Variants in BCL2L1 observed in about 807,000 individuals in gnomAD.
BCL2L1 encodes the protein BCL2 like 1.
In BCL2L1, 1 loss-of-function variant was observed where a neutral mutation model predicts 18.7. The ratio of observed to expected loss-of-function variants is 0.05; its 90% CI spans 0.02 to 0.25. BCL2L1 has a LOEUF of 0.25. Among genes scored for constraint, BCL2L1 ranks in the 10% least tolerant of loss-of-function variants. BCL2L1 has a pLI of 1.00. For synonymous variants in BCL2L1, 103 were observed against 122.7 expected (o/e 0.84, Z 1.06); for missense variants, 207 against 304.9 (o/e 0.68, Z 2.39).
chr20:31,710,961 AAT>A (rs2061444733), intron 2 of BCL2L1, among the ~76,000 whole-genome samples: 1 of 152,188 alleles, frequency 6.6e-6, no homozygotes, highest in Non-Finnish European at 1.5e-5. Flanking sequence ...TGTAAGAAGC[AAT>A]GACGCTTATA....
rs1187252281 is a variant in BCL2L1, at chr20:31,722,064, T to C, written c.155A>G (p.Asn52Ser). The change falls in exon 2 of 3, where the codon AAT becomes AGT. Residue 52 changes from asparagine to serine, a missense_variant. Transcript: ENST00000307677. ...ESEMETPSAI[N>S]GNPSWHLADS... ...TGCCAGGTGCCAGGATGGGTTGCCA[T>C]TGATGGCACTGGGGGTCTCCATCTC... The C allele has an allele frequency of 5.6e-6, 9 of 1,601,664 alleles. No individual in the cohort carries two copies. Among genetic ancestry groups the C allele is most frequent in the East Asian group, 2.2e-5 (1 of 44,810 alleles).
chr20:31,722,457 T>A, intron 1 of BCL2L1, 109 bp from the exon 2 acceptor site: 1 of 375,208 alleles, frequency 2.7e-6, no homozygotes, highest in Non-Finnish European at 4.7e-6. Context: ...GGTCTGGGTC[T>A]AGGTTCCAAG....
At chr20:31,698,862 G>C (rs559922843) in intron 2 of BCL2L1, among the ~76,000 whole-genome samples, 21 of 152,260 alleles carry the variant, frequency 1.4e-4, no homozygotes, top group African/African-American at 5.1e-4. Context: ...CAATTAGTGA[G>C]TCAAGGGGAG....
At chr20:31,673,700 GC>G (rs1010935425) in intron 2 of BCL2L1, among the ~76,000 whole-genome samples, 1 of 152,122 alleles carries the variant, frequency 6.6e-6, no homozygotes, top group Non-Finnish European at 1.5e-5. Flanking sequence ...TATTATGACA[GC>G]TGACCATTAC....
chr20:31,710,504 C>G (rs1165248423), intron 2 of BCL2L1, among the ~76,000 whole-genome samples: 1 of 152,232 alleles, frequency 6.6e-6, no homozygotes, highest in Non-Finnish European at 1.5e-5. Context: ...TCAGTGACCT[C>G]TCTCCTTCCT....
At chr20:31,686,602 A>G (rs1174551690) in intron 2 of BCL2L1, among the ~76,000 whole-genome samples, 5 of 152,110 alleles carry the variant, frequency 3.3e-5, no homozygotes, top group African/African-American at 1.2e-4. Flanking sequence ...TTTGTGTCCT[A>G]CTCAGGCTTT....
chr20:31,703,435 TC>T (rs2061315962), intron 2 of BCL2L1, among the ~76,000 whole-genome samples: 1 of 151,434 alleles, frequency 6.6e-6, no homozygotes, highest in African/African-American at 2.4e-5. Flanking sequence ...TGCTTTGGCC[TC>T]CCAAAATGCT....
At position 31,682,079 on chromosome 20, in the gene BCL2L1, C is replaced by T. The variant is rs1167891223; in HGVS notation, c.565-15993G>A. On this transcript the variant is annotated intron_variant, in intron 2 of 2. Coordinates refer to ENST00000307677, the MANE Select transcript of BCL2L1 (RefSeq NM_138578.3). Reference sequence around the variant, plus strand: ...TTGCTTTATATTAGGAGAGAAGAAGCATCAGAGCTGCCGTTGTCCAGGGCC... The same window carrying T: ...TTGCTTTATATTAGGAGAGAAGAAGTATCAGAGCTGCCGTTGTCCAGGGCC... Among the ~76,000 whole-genome samples the T allele has an allele frequency of 3.3e-5, 5 of 152,232 alleles. No homozygotes were observed. The South Asian group carries it at 1.0e-3, about 31-fold the overall frequency.
intron 2 of BCL2L1, among the ~76,000 whole-genome samples, chr20:31,705,162 T>A (rs776726893): frequency 8.5e-5 from 13 of 152,234 alleles, no homozygotes; most frequent in African/African-American, 1.2e-4. Flanking sequence ...AACAACTTTC[T>A]TAACTTCTCT....
At chr20:31,666,504 T>C (rs2060590801) in intron 2 of BCL2L1, among the ~76,000 whole-genome samples, 1 of 151,980 alleles carries the variant, frequency 6.6e-6, no homozygotes, top group Admixed American at 6.6e-5. Flanking sequence ...GCAAGGAGCC[T>C]AGAGTTGAGT....
intron 2 of BCL2L1, among the ~76,000 whole-genome samples, chr20:31,712,485 A>G (rs2061469569): frequency 6.6e-6 from 1 of 152,226 alleles, no homozygotes; most frequent in Non-Finnish European, 1.5e-5. Flanking sequence ...TACTATTAAT[A>G]GTAATGTTAA....
chr20:31,684,455 C>T (rs971039787), intron 2 of BCL2L1, among the ~76,000 whole-genome samples: 2 of 152,178 alleles, frequency 1.3e-5, no homozygotes, highest in African/African-American at 2.4e-5. Flanking sequence ...AATCCGTAAA[C>T]ACCAGACAGG....
intron 2 of BCL2L1, chr20:31,713,298 A>G (rs907972566): frequency 1.0e-5 from 10 of 985,394 alleles, no homozygotes; most frequent in Non-Finnish European, 1.2e-5. Flanking sequence ...GGATGATCAC[A>G]GCTGGAGGCA....
At chr20:31,723,718 G>A (rs896989385), upstream of BCL2L1, 142 of 985,400 alleles carry the variant, frequency 1.4e-4, no homozygotes, top group Non-Finnish European at 1.7e-4. Context: ...CACGCACAGG[G>A]GAGGCGGCGC....
intron 2 of BCL2L1, among the ~76,000 whole-genome samples, chr20:31,721,119 G>A (rs2061620378): frequency 6.6e-6 from 1 of 152,210 alleles, no homozygotes; most frequent in Non-Finnish European, 1.5e-5. Flanking sequence ...CCTGCCTATG[G>A]CCATGCCCTA....
At chr20:31,679,332 G>A (rs936374683) in intron 2 of BCL2L1, among the ~76,000 whole-genome samples, 5 of 152,154 alleles carry the variant, frequency 3.3e-5, no homozygotes, top group Non-Finnish European at 2.9e-5. Flanking sequence ...AAATTTCAGA[G>A]CGTCACAGAG....
chr20:31,707,558 C>A (rs1032919894), intron 2 of BCL2L1, among the ~76,000 whole-genome samples: 1 of 152,076 alleles, frequency 6.6e-6, no homozygotes, highest in Non-Finnish European at 1.5e-5. Flanking sequence ...GCGGACAGAT[C>A]ACCTGAGGTC....
chr20:31,670,045 C>T (rs1218940432), intron 2 of BCL2L1, among the ~76,000 whole-genome samples: 5 of 152,306 alleles, frequency 3.3e-5, no homozygotes, highest in African/African-American at 1.2e-4. Context: ...TATGTCAGGA[C>T]ACTTCCCTGA....
At chr20:31,720,108 C>T (rs1460915983) in intron 2 of BCL2L1, 34 of 985,316 alleles carry the variant, frequency 3.5e-5, no homozygotes, top group East Asian at 1.1e-4. Flanking sequence ...AGAGAACCCA[C>T]CACCTTTACC....
Sources: allele counts gnomAD v4.1 joint callset (sites outside exome capture counted in the v4.1 genomes callset), GRCh38; gene constraint gnomAD v4.1.1; transcripts MANE v1.5; gene names NCBI Gene and HGNC (gene_info 2026-07-23, HGNC 2026-07-21).